Variants in RGS6 observed in about 807,000 individuals in gnomAD.
RGS6 encodes regulator of G protein signaling 6, also known as regulator of G-protein signaling 6.
RGS6 carries 30 observed loss-of-function variants against 78.5 expected under a neutral mutation model. The observed-to-expected ratio is 0.38, with a 90% CI of 0.29 to 0.52. The LOEUF is 0.52. RGS6 is among the 20% of genes least tolerant of loss of function. The probability of loss-of-function intolerance (pLI) is 0.85; values close to 1 mark genes in which losing one functional copy is unlikely to be tolerated. For missense variants in RGS6, 495 were observed against 609.7 expected, an observed-to-expected ratio of 0.81 and a Z score of 1.98; for synonymous variants, 206 against 206.0, an observed-to-expected ratio of 1.00 and a Z score of 0.00.
chr14:72,110,823 C>A (rs1358139922), intron 2 of RGS6, among the ~76,000 whole-genome samples: 1 of 152,116 alleles, frequency 6.6e-6, no homozygotes, highest in African/African-American at 2.4e-5. Context: ...GTCTGGGGAG[C>A]CTGGGACATT....
At chr14:72,059,432 G>A (rs1358785202) in intron 2 of RGS6, among the ~76,000 whole-genome samples, 2 of 152,150 alleles carry the variant, frequency 1.3e-5, no homozygotes, top group Non-Finnish European at 2.9e-5. Context: ...GCTGAATTAG[G>A]TAGTTTTTGC....
chr14:72,129,209 T>C (rs2096265858), intron 2 of RGS6, among the ~76,000 whole-genome samples: 1 of 152,062 alleles, frequency 6.6e-6, no homozygotes, highest in Admixed American at 6.6e-5. Flanking sequence ...AAGAAGGCAA[T>C]ACTGCTGGAA....
At chr14:72,419,984 T>A (rs117036410) in intron 3 of RGS6, among the ~76,000 whole-genome samples, 171 of 152,344 alleles carry the variant, frequency 1.1e-3, no homozygotes, top group Non-Finnish European at 2.0e-3. Flanking sequence ...CCAGGAAGGC[T>A]GTCGCCATGT....
At chr14:72,365,585 C>T (rs1417684783) in intron 3 of RGS6, among the ~76,000 whole-genome samples, 1 of 152,176 alleles carries the variant, frequency 6.6e-6, no homozygotes, top group Non-Finnish European at 1.5e-5. Context: ...TGGTGAATTC[C>T]TGAAGGATCC....
At chr14:72,065,952 TG>T (rs1451613577) in intron 2 of RGS6, among the ~76,000 whole-genome samples, 1 of 118,190 alleles carries the variant, frequency 8.5e-6, no homozygotes, top group Non-Finnish European at 1.7e-5. Context: ...GTCCCCAGAG[TG>T]TGATGTTCCC....
At chr14:72,349,084 A>T (rs931520908) in intron 2 of RGS6, among the ~76,000 whole-genome samples, 12 of 152,152 alleles carry the variant, frequency 7.9e-5, no homozygotes, top group African/African-American at 2.9e-4. Flanking sequence ...GGAGAGTGGC[A>T]TGAACCTGGG....
At chr14:71,975,240 A>G in intron 2 of RGS6, among the ~76,000 whole-genome samples, 1 of 152,060 alleles carries the variant, frequency 6.6e-6, no homozygotes, top group East Asian at 1.9e-4. Context: ...CGGTTATTTT[A>G]TTTATCATAA....
intron 2 of RGS6, among the ~76,000 whole-genome samples, chr14:72,305,467 GT>G (rs1405646544): frequency 6.6e-6 from 1 of 152,042 alleles, no homozygotes; most frequent in African/African-American, 2.4e-5. Flanking sequence ...AAAAGCATGT[GT>G]TTACTCCATA....
rs115284279 is a variant in RGS6, at chr14:72,328,603, A to G, written c.85-23492A>G. ...TCCTTTCCCTCTCTAAGGCCCCACC[A>G]GTGAACTGGTGGCCACGTTGACTAA... is the stretch of plus-strand genomic sequence containing the variant. On this transcript the variant is annotated intron_variant, in intron 2 of 17. Coordinates refer to ENST00000553525, the MANE Select transcript of RGS6 (RefSeq NM_001204424.2). Among the ~76,000 whole-genome samples, 774 of 152,278 alleles carry G rather than the reference A, an allele frequency of 5.1e-3. 5 individuals carry two copies. Among genetic ancestry groups the G allele is most frequent in the African/African-American group, 0.018 (749 of 41,548 alleles).
At chr14:72,003,659 CTT>C (rs2083933677) in intron 2 of RGS6, among the ~76,000 whole-genome samples, 1 of 152,172 alleles carries the variant, frequency 6.6e-6, no homozygotes. Flanking sequence ...AAAGCAGCCT[CTT>C]ATAGTAGCAT....
chr14:72,446,746 G>C (rs952931057), intron 3 of RGS6, among the ~76,000 whole-genome samples: 3 of 152,288 alleles, frequency 2.0e-5, no homozygotes, highest in African/African-American at 7.2e-5. Flanking sequence ...TCGCACCTGG[G>C]GGGTGATGGG....
chr14:71,901,891 T>G, the RGS6 span, among the ~76,000 whole-genome samples: 3 of 152,228 alleles, frequency 2.0e-5, no homozygotes, highest in African/African-American at 7.2e-5. Flanking sequence ...ATGATAAAAT[T>G]CTGGCCAATA....
intron 2 of RGS6, among the ~76,000 whole-genome samples, chr14:72,296,863 C>T (rs1192549374): frequency 1.3e-5 from 2 of 152,116 alleles, no homozygotes; most frequent in African/African-American, 4.8e-5. Context: ...CTCAAAGTCA[C>T]AAAGATTTAT....
At chr14:72,064,957 CATTAT>C (rs1347721648) in intron 2 of RGS6, among the ~76,000 whole-genome samples, 3 of 152,088 alleles carry the variant, frequency 2.0e-5, no homozygotes, top group African/African-American at 7.2e-5. Context: ...TGAATCTTGT[CATTAT>C]ATTTTGTAGT....
At chr14:72,306,994 A>G (rs1434061001) in intron 2 of RGS6, among the ~76,000 whole-genome samples, 1 of 152,206 alleles carries the variant, frequency 6.6e-6, no homozygotes, top group Non-Finnish European at 1.5e-5. Context: ...TCATGAAAGG[A>G]AGAATCAGTT....
At chr14:72,016,311 C>G (rs981095740) in intron 2 of RGS6, among the ~76,000 whole-genome samples, 1 of 152,158 alleles carries the variant, frequency 6.6e-6, no homozygotes, top group African/African-American at 2.4e-5. Flanking sequence ...TGTCATACAC[C>G]ACATTCCCAA....
chr14:72,568,023 C>A (rs1221643853), downstream of RGS6, among the ~76,000 whole-genome samples: 4 of 152,278 alleles, frequency 2.6e-5, no homozygotes, highest in East Asian at 7.8e-4. Flanking sequence ...TTTAAAGGGG[C>A]CTGGGGTGTC....
At chr14:72,487,244 C>A (rs2096504871) in intron 12 of RGS6, among the ~76,000 whole-genome samples, 1 of 152,190 alleles carries the variant, frequency 6.6e-6, no homozygotes, top group Admixed American at 6.5e-5. Context: ...CCATTATGCA[C>A]CTTTTATCTA....
Position 72,499,651 on chromosome 14 carries a change from T to G in RGS6, c.965+4389T>G, listed in dbSNP as rs191395887. ...CTCTACATACTGTGTTTAGTTTTTT[T>G]GGGGTTTTTTTGTTGTTTGTTTGTT... On this transcript the variant is annotated intron_variant, in intron 13 of 17. Transcript: ENST00000553525. Among the ~76,000 whole-genome samples, 871 of 152,294 alleles carry G rather than the reference T, an allele frequency of 5.7e-3. 6 individuals carry two copies. The highest frequency in any genetic ancestry group is 0.02 in the Middle Eastern group (6 of 294).
Sources: gnomAD v4.1 joint callset for allele counts (sites outside exome capture counted in the v4.1 genomes callset) on GRCh38, gnomAD v4.1.1 for gene constraint, MANE v1.5 for transcripts, NCBI Gene and HGNC (gene_info 2026-07-23, HGNC 2026-07-21) for gene names.